The following PIK3C2G variants were observed in gnomAD, a reference collection of about 807,000 sequenced individuals.
PIK3C2G encodes phosphatidylinositol 3-kinase C2 domain-containing subunit gamma.
PIK3C2G carries 168 observed loss-of-function variants against 181.1 expected under a neutral mutation model. The ratio of observed to expected loss-of-function variants is 0.93; its 90% CI spans 0.82 to 1.05. The LOEUF (loss-of-function observed/expected upper bound fraction) is 1.05, where lower values mean the gene tolerates loss of function less well. PIK3C2G is among the 50% of genes least tolerant of loss of function. The probability of loss-of-function intolerance (pLI) is 0.00; values close to 1 mark genes in which losing one functional copy is unlikely to be tolerated. For missense variants in PIK3C2G, 1,869 were observed against 1,732.8 expected, an observed-to-expected ratio of 1.08 and a Z score of -1.40; for synonymous variants, 573 against 592.2, an observed-to-expected ratio of 0.97 and a Z score of 0.47.
intron 18 of PIK3C2G, among the ~76,000 whole-genome samples, chr12:18,483,567 T>A (rs967207089): frequency 4.6e-5 from 7 of 152,282 alleles, no homozygotes; most frequent in East Asian, 1.9e-4. Flanking sequence ...TAGTTTTTTT[T>A]ATCTGAAATA....
chr12:18,701,861 T>C, the PIK3C2G span: 1 of 1,520,928 alleles, frequency 6.6e-7, no homozygotes, highest in South Asian at 1.2e-5. Context: ...TTCACTATAT[T>C]TCCAATTAGC....
At chr12:18,291,872 C>A (rs1438139422) in intron 4 of PIK3C2G, among the ~76,000 whole-genome samples, 6 of 147,026 alleles carry the variant, frequency 4.1e-5, no homozygotes, top group African/African-American at 1.5e-4. Flanking sequence ...GAAAAGAAAC[C>A]AATTCCTGCT....
At chr12:18,300,149 G>A (rs1459129856) in intron 5 of PIK3C2G, among the ~76,000 whole-genome samples, 2 of 151,886 alleles carry the variant, frequency 1.3e-5, no homozygotes, top group Non-Finnish European at 2.9e-5. Flanking sequence ...CAGCAATAAA[G>A]CCATCTCATC....
At chr12:18,438,726 G>C (rs1312234206) in intron 18 of PIK3C2G, among the ~76,000 whole-genome samples, 2 of 151,822 alleles carry the variant, frequency 1.3e-5, no homozygotes, top group African/African-American at 4.8e-5. Context: ...TAATGTAATA[G>C]AGGGAGAACA....
intron 18 of PIK3C2G, among the ~76,000 whole-genome samples, chr12:18,453,765 CA>C (rs546556362): frequency 2.7e-4 from 41 of 150,232 alleles, no homozygotes; most frequent in African/African-American, 4.1e-4. Flanking sequence ...AATTTGCTAT[CA>C]AAAAAAAAGT....
chr12:18,360,132 A>AT, intron 11 of PIK3C2G, among the ~76,000 whole-genome samples: 1 of 146,900 alleles, frequency 6.8e-6, no homozygotes, highest in Non-Finnish European at 1.5e-5. Context: ...ATATGTTTTG[A>AT]TTTTTTTTCT....
chr12:18,625,621 C>T (rs534703670), intron 31 of PIK3C2G, among the ~76,000 whole-genome samples: 1 of 151,738 alleles, frequency 6.6e-6, no homozygotes, highest in South Asian at 2.1e-4. Context: ...AGTGATGTAT[C>T]GAAGTTCCCT....
chr12:18,353,704 C>T (rs1476240763), intron 11 of PIK3C2G, among the ~76,000 whole-genome samples: 1 of 152,142 alleles, frequency 6.6e-6, no homozygotes, highest in Non-Finnish European at 1.5e-5. Flanking sequence ...TCTGCAGCTT[C>T]CTCCTTATAT....
chr12:18,315,053 G>A (rs892018032), intron 6 of PIK3C2G, among the ~76,000 whole-genome samples: 12 of 152,164 alleles, frequency 7.9e-5, no homozygotes, highest in Non-Finnish European at 1.6e-4. Flanking sequence ...GTTTTTATCT[G>A]TAGAATCTTC....
At chr12:18,681,195 G>T in the PIK3C2G span, among the ~76,000 whole-genome samples, 1 of 151,846 alleles carries the variant, frequency 6.6e-6, no homozygotes, top group Non-Finnish European at 1.5e-5. Flanking sequence ...CTAAAGTCTG[G>T]CTGATAGTAC....
chr12:18,390,449 A>G (rs913957506), intron 14 of PIK3C2G, among the ~76,000 whole-genome samples: 1 of 152,142 alleles, frequency 6.6e-6, no homozygotes, highest in African/African-American at 2.4e-5. Context: ...TGTTAACTGT[A>G]ATTTTATTTA....
the PIK3C2G span, chr12:18,683,999 T>G: frequency 7.3e-6 from 8 of 1,096,192 alleles, no homozygotes; most frequent in African/African-American, 1.6e-5. Flanking sequence ...AGAAAAAATA[T>G]GTGTCAATAC....
At chr12:18,715,065 A>G in the PIK3C2G span, among the ~76,000 whole-genome samples, 1 of 151,260 alleles carries the variant, frequency 6.6e-6, no homozygotes, top group African/African-American at 2.4e-5. Context: ...GAGATGACCC[A>G]AGAAGTACTT....
chr12:18,605,419 T>A (rs1269191374), intron 30 of PIK3C2G, among the ~76,000 whole-genome samples: 1 of 151,998 alleles, frequency 6.6e-6, no homozygotes, highest in Non-Finnish European at 1.5e-5. Flanking sequence ...AAATCCAGGA[T>A]CAGATGGATT....
the PIK3C2G span, chr12:18,712,991 C>A: frequency 1.9e-6 from 3 of 1,613,558 alleles, no homozygotes; most frequent in East Asian, 2.2e-5. Context: ...AGGGCACTAG[C>A]AAAATTTCAG....
At chr12:18,663,467 A>G in the PIK3C2G span, among the ~76,000 whole-genome samples, 1 of 152,162 alleles carries the variant, frequency 6.6e-6, no homozygotes, top group Non-Finnish European at 1.5e-5. Flanking sequence ...GAGGATATGC[A>G]TAGGTTATAT....
At chr12:18,468,029 A>G (rs550792243) in intron 18 of PIK3C2G, among the ~76,000 whole-genome samples, 1 of 152,148 alleles carries the variant, frequency 6.6e-6, no homozygotes, top group East Asian at 1.9e-4. Context: ...ACTGCCAATC[A>G]AATGACATCA....
chr12:18,709,316 G>T, the PIK3C2G span, among the ~76,000 whole-genome samples: 7 of 152,100 alleles, frequency 4.6e-5, no homozygotes, highest in Admixed American at 1.3e-4. Context: ...ACAAAAATTA[G>T]GTTGACCATA....
chr12:18,582,151 T>C (rs1040282679), intron 29 of PIK3C2G, among the ~76,000 whole-genome samples: 1 of 151,924 alleles, frequency 6.6e-6, no homozygotes, highest in Non-Finnish European at 1.5e-5. Flanking sequence ...ATAGCTCTCA[T>C]GGAGAGAAAT....
Sources: allele counts gnomAD v4.1 joint callset (sites outside exome capture counted in the v4.1 genomes callset), GRCh38; gene constraint gnomAD v4.1.1; transcripts MANE v1.5; gene names NCBI Gene and HGNC (gene_info 2026-07-23, HGNC 2026-07-21).